The following DNAI1 variants were observed in gnomAD, a reference collection of about 807,000 sequenced individuals.
The protein encoded by DNAI1 is dynein, axonemal, intermediate polypeptide 1.
DNAI1 carries 67 observed loss-of-function variants against 92.0 expected under a neutral mutation model. The ratio of observed to expected loss-of-function variants is 0.73; its 90% CI spans 0.60 to 0.89. DNAI1 has a LOEUF of 0.89. DNAI1 is among the 40% of genes least tolerant of loss of function. The pLI is 0.00. For missense variants in DNAI1, 839 were observed against 866.6 expected (o/e 0.97, Z 0.40); for synonymous variants, 323 against 319.6 (o/e 1.01, Z -0.11).
chr9:34,511,697 T>C (rs975869269), intron 13 of DNAI1, among the ~76,000 whole-genome samples: 1 of 152,238 alleles, frequency 6.6e-6, no homozygotes, highest in Non-Finnish European at 1.5e-5. Context: ...TTATGACTCC[T>C]GTTTTATAAA....
At chr9:34,467,129 T>C (rs548733124) in intron 1 of DNAI1, among the ~76,000 whole-genome samples, 5 of 152,240 alleles carry the variant, frequency 3.3e-5, no homozygotes, top group African/African-American at 1.2e-4. Context: ...CCATATTGTT[T>C]CTGGTAAATC....
At chr9:34,473,836 C>A (rs1237635388) in intron 1 of DNAI1, among the ~76,000 whole-genome samples, 3 of 151,842 alleles carry the variant, frequency 2.0e-5, no homozygotes, top group Non-Finnish European at 4.4e-5. Flanking sequence ...GTGATCCTCC[C>A]ACCTCAGCCT....
chr9:34,493,466 T>C, intron 9 of DNAI1, 138 bp downstream of exon 9: 1 of 1,240,764 alleles, frequency 8.1e-7, no homozygotes, highest in Non-Finnish European at 1.2e-6. Flanking sequence ...TAAATAGTTC[T>C]TTCCTTAGGG....
chr9:34,485,142 G>T lies in DNAI1; in HGVS notation c.82G>T (p.Asp28Tyr), dbSNP rs1484370915. ...ISIGRGTRKR[D>Y]EDSGTEVGEG... ...AGCCTCATGTGAGGTTTTTGTCTAG[G>T]ATGAAGATTCAGGGACTGAAGTGGG... Residue 28 changes from aspartate to tyrosine, a missense_variant and splice_region_variant, in exon 3 of 20, where the codon GAT (aspartate) becomes TAT (tyrosine). Asp to Tyr is a radical substitution (Grantham distance 160). Coordinates refer to ENST00000242317, the MANE Select transcript of DNAI1 (RefSeq NM_012144.4). The T allele has an allele frequency of 1.9e-6, 3 of 1,614,052 alleles. No homozygotes were observed. The highest frequency in any genetic ancestry group is 2.7e-5 in the African/African-American group (2 of 74,938).
At chr9:34,477,434 G>A (rs1824260795) in intron 1 of DNAI1, among the ~76,000 whole-genome samples, 1 of 152,138 alleles carries the variant, frequency 6.6e-6, no homozygotes, top group South Asian at 2.1e-4. Context: ...TGGTGGTTGT[G>A]AAGATTAAAT....
At chr9:34,499,417 G>T (rs1043565703) in intron 10 of DNAI1, among the ~76,000 whole-genome samples, 1 of 152,234 alleles carries the variant, frequency 6.6e-6, no homozygotes, top group Non-Finnish European at 1.5e-5. Flanking sequence ...TTCTGTTAAT[G>T]AATTTCACTG....
At chr9:34,488,017 A>G (rs1587069387) in intron 4 of DNAI1, 1 of 362,088 alleles carries the variant, frequency 2.8e-6, no homozygotes, top group South Asian at 2.1e-5. Flanking sequence ...GACAAGATGA[A>G]GGTGAAATCT....
rs187693096 is a variant in DNAI1 at position 34,468,955 on chromosome 9, G to T, written c.48+9902G>T. ...ATATTATATATGTATTTGGAACATG[G>T]GTGTAGTTGGAATGCCAGAGGGAAA... On this transcript the variant is annotated intron_variant, in intron 1 of 19. Coordinates refer to ENST00000242317, the MANE Select transcript of DNAI1 (RefSeq NM_012144.4). Among the ~76,000 whole-genome samples, 272 of 152,178 alleles carry T rather than the reference G, an allele frequency of 1.8e-3. 2 individuals carry two copies. The highest frequency in any genetic ancestry group is 6.3e-3 in the African/African-American group (260 of 41,530).
chr9:34,506,862 C>A lies in DNAI1; in HGVS notation c.1299C>A (p.Asp433Glu), dbSNP rs745418090. The change falls in exon 13 of 20, where the codon GAC becomes GAA. Residue 433 changes from aspartate (D) to glutamate (E), a missense_variant. Asp to Glu is a conservative substitution (Grantham distance 45). Coordinates refer to ENST00000242317, the MANE Select transcript of DNAI1 (RefSeq NM_012144.4). The part of the protein sequence containing the change: ...CSSAKSGKHS[D>E]PVWQVKWQKD... ...CAGCCAAGTCTGGCAAGCACTCAGA[C>A]CCTGTGTGGCAGGTCAGCAACCAGG... The A allele has an allele frequency of 6.2e-7, 1 of 1,613,986 alleles. No homozygotes were observed. Among genetic ancestry groups the A allele is most frequent in the Admixed American group, 1.7e-5 (1 of 59,996 alleles).
intron 7 of DNAI1, 137 bp downstream of exon 7, chr9:34,490,625 A>G: frequency 1.6e-6 from 2 of 1,275,496 alleles, no homozygotes; most frequent in Non-Finnish European, 2.3e-6. Flanking sequence ...TTATCTCCCC[A>G]AGGAGAGCTG....
chr9:34,460,173 G>A lies in DNAI1; in HGVS notation c.48+1120G>A, dbSNP rs182274029. 2.1e-3 allele frequency among the ~76,000 whole-genome samples: 323 copies of A among 152,328 alleles called. 2 individuals are homozygous for A. The highest frequency in any genetic ancestry group is 7.0e-3 in the African/African-American group (291 of 41,572). On this transcript the variant is annotated intron_variant, in intron 1 of 19. Coordinates refer to ENST00000242317, the MANE Select transcript of DNAI1 (RefSeq NM_012144.4). ...TCCCCCACTTAACCCACTGAGCACA[G>A]AGTTCTGCTTTCTTCCTCAGCATCA...
At position 34,493,195 on chromosome 9, in the gene DNAI1, G is replaced by A; in HGVS notation, c.683G>A (p.Trp228Ter). The A allele has an allele frequency of 6.2e-7, 1 of 1,614,176 alleles. No individual in the cohort carries two copies. Among genetic ancestry groups the A allele is most frequent in the Non-Finnish European group, 8.5e-7 (1 of 1,180,036 alleles). ...RTNFSATANQ[W>*]EIYDAYVEEL... is the part of the protein sequence containing the mutation. ...CCTTCTTATCTCACCCTTGCCTAGT[G>A]GGAGATCTATGATGCCTATGTAGAG... The change falls in exon 9 of 20, where the codon TGG becomes TAG. Residue 228 changes from tryptophan to a stop codon, truncating the protein, a stop_gained and splice_region_variant. Coordinates refer to ENST00000242317, the MANE Select transcript of DNAI1 (RefSeq NM_012144.4). LOFTEE classifies it high-confidence loss of function.
At chr9:34,488,003 TG>T in intron 4 of DNAI1, 2 of 344,346 alleles carry the variant, frequency 5.8e-6, no homozygotes, top group Non-Finnish European at 5.8e-6. Flanking sequence ...AGTCAACTAC[TG>T]GGGACAAGAT....
At chr9:34,517,841 G>A (rs985005055) in intron 19 of DNAI1, among the ~76,000 whole-genome samples, 3 of 152,180 alleles carry the variant, frequency 2.0e-5, no homozygotes, top group African/African-American at 7.2e-5. Flanking sequence ...TCATTGACTG[G>A]GCTTTCACAG....
In DNAI1 at chr9:34,517,415, G is replaced by A. The variant is rs774210705; in HGVS notation, c.1949G>A (p.Arg650His). The change falls in exon 19 of 20, where the codon CGT becomes CAT. Residue 650 changes from arginine (R) to histidine (H), a missense_variant. Physicochemically the swap from Arg to His is conservative, Grantham distance 29 (BLOSUM62 0). Transcript: ENST00000242317. The part of the protein sequence containing the change: ...IHPIIIVGDD[R>H]GHIISLKLSP... ...CCCATCATCATTGTGGGCGATGACC[G>A]TGGGCACATCATCAGCCTCAAGCTC... 8.1e-6 allele frequency: 13 copies of A among 1,614,208 alleles called. No homozygotes were observed. In the South Asian group the frequency reaches 8.8e-5, roughly 11 times the overall value.
At chr9:34,485,371 C>T in intron 3 of DNAI1, 66 bp from the exon 4 acceptor site, 2 of 1,588,298 alleles carry the variant, frequency 1.3e-6, no homozygotes, top group East Asian at 2.2e-5. Flanking sequence ...CTGAGGGATC[C>T]TTCTAAGCCT....
chr9:34,497,123 T>C lies in DNAI1; in HGVS notation c.825T>C (p.Asp275=), dbSNP rs778338222. The change falls in exon 10 of 20, where the codon GAT becomes GAC. Residue 275 remains aspartate, a synonymous_variant. Transcript: ENST00000242317. ...KLTSMESQTD[D]LIKLSQAAKI... ...TTTCTGTATCCCCACAGACTGATGA[T>C]CTCATCAAATTGTCCCAAGCTGCTA... 4 of 1,613,894 alleles carry C rather than the reference T, an allele frequency of 2.5e-6. No individual in the cohort carries two copies. Among genetic ancestry groups the C allele is most frequent in the Non-Finnish European group, 3.4e-6 (4 of 1,179,732 alleles).
At chr9:34,461,748 T>G (rs1467729119) in intron 1 of DNAI1, among the ~76,000 whole-genome samples, 1 of 152,160 alleles carries the variant, frequency 6.6e-6, no homozygotes, top group African/African-American at 2.4e-5. Flanking sequence ...AAGGTTAGGT[T>G]GTGCTAGGTT....
chr9:34,480,553 C>T (rs1824332220), intron 1 of DNAI1, among the ~76,000 whole-genome samples: 1 of 152,038 alleles, frequency 6.6e-6, no homozygotes. Flanking sequence ...AGGCATGAGC[C>T]ACCGCGCCTG....
Sources: allele counts gnomAD v4.1 joint callset (sites outside exome capture counted in the v4.1 genomes callset), GRCh38; gene constraint gnomAD v4.1.1; transcripts MANE v1.5; gene names NCBI Gene and HGNC (gene_info 2026-07-23, HGNC 2026-07-21).